The following GPAM variants were observed in gnomAD, a reference collection of about 807,000 sequenced individuals.
GPAM encodes glycerol-3-phosphate acyltransferase 1, mitochondrial.
Under a neutral mutation model 105.0 loss-of-function variants are expected in GPAM, and 56 were observed. The ratio of observed to expected loss-of-function variants is 0.53; its 90% CI spans 0.43 to 0.67. The LOEUF is 0.67. Ranked by LOEUF, GPAM falls within the 30% of genes least tolerant of loss-of-function variation. The pLI is 0.00. For missense variants in GPAM, 855 were observed against 989.8 expected, an observed-to-expected ratio of 0.86 and a Z score of 1.83; for synonymous variants, 368 against 354.4, an observed-to-expected ratio of 1.04 and a Z score of -0.43.
chr10:112,180,686 G>T, intron 3 of GPAM, 91 bp from the exon 4 acceptor site: 1 of 1,187,110 alleles, frequency 8.4e-7, no homozygotes, highest in Non-Finnish European at 1.2e-6. Flanking sequence ...TTGAACAGAA[G>T]AAAAACTTAT....
rs753645616 is a variant in GPAM, at chr10:112,151,664, C to T, written c.*1886G>A. On this transcript the variant is annotated 3_prime_UTR_variant, in exon 22 of 22. Transcript: ENST00000348367. Reference sequence around the variant, plus strand: ...CTCTTTGCAGCAATGACAGGCAGGGCAGAGTGTCGACTGGGAAGCGAGTCC... The same window carrying T: ...CTCTTTGCAGCAATGACAGGCAGGGTAGAGTGTCGACTGGGAAGCGAGTCC... 6.9e-5 allele frequency: 68 copies of T among 985,174 alleles called. No homozygotes were observed. The highest frequency in any genetic ancestry group is 5.2e-4 in the Middle Eastern group (1 of 1,936). The allele number at this position is 985,174 out of a possible 1,614,324, so 61.0% of individuals were successfully genotyped here.
intron 1 of GPAM, among the ~76,000 whole-genome samples, chr10:112,212,703 A>C (rs1421792819): frequency 6.6e-6 from 1 of 152,208 alleles, no homozygotes; most frequent in African/African-American, 2.4e-5. Context: ...CAGCTCTAGC[A>C]CTTACCAGCT....
In GPAM at chr10:112,163,692, T is replaced by C; in HGVS notation, c.1423+9A>G. On this transcript the variant is annotated intron_variant, in intron 14 of 21. Transcript: ENST00000348367. ...ATTGTAGAATTAAAGAGTCTGGTAT[T>C]CTACTTACTGAATAGAATATGCTCA... 8.4e-7 allele frequency: 1 copy of C among 1,189,350 alleles called. No homozygotes were observed. Among genetic ancestry groups the C allele is most frequent in the Non-Finnish European group, 1.3e-6 (1 of 792,060 alleles). 73.7% of individuals were successfully genotyped at this position (1,189,350 alleles called of 1,614,324 possible). A position where few individuals can be genotyped will look rare whatever the true frequency, so the allele number is the denominator to read the frequency against.
chr10:112,213,356 C>T (rs937698028), intron 1 of GPAM, among the ~76,000 whole-genome samples: 9 of 152,174 alleles, frequency 5.9e-5, no homozygotes, highest in African/African-American at 1.7e-4. Flanking sequence ...ACCTCAGTGA[C>T]CTCAGTGGCT....
At chr10:112,153,878 T>G (rs1846967817) in intron 21 of GPAM, 1 of 508,402 alleles carries the variant, frequency 2.0e-6, no homozygotes, top group South Asian at 2.2e-5. Context: ...TATTTTTTTT[T>G]TTTTGTTTTG....
chr10:112,150,401 CAAAGG>C lies in GPAM; in HGVS notation c.*3144_*3148del. On this transcript the variant is annotated 3_prime_UTR_variant, in exon 22 of 22. Transcript: ENST00000348367. The stretch of plus-strand genomic sequence containing the variant: ...GGATCATTGGGGCTGTTCTCTCTAT[CAAAGG>C]AAAGAGCTCCGATCACCTACATTAT... 1.0e-6 allele frequency: 1 copy of C among 985,830 alleles called. No homozygotes were observed. The highest frequency in any genetic ancestry group is 1.2e-6 in the Non-Finnish European group (1 of 829,906). 61.1% of individuals were successfully genotyped at this position (985,830 alleles called of 1,614,324 possible). A position where few individuals can be genotyped will look rare whatever the true frequency, so the allele number is the denominator to read the frequency against.
chr10:112,172,375 T>G (rs1434373954), intron 8 of GPAM, 57 bp from the exon 9 acceptor site: 3 of 1,402,654 alleles, frequency 2.1e-6, no homozygotes, highest in Non-Finnish European at 3.0e-6. Context: ...AATCACACTT[T>G]GCAACTGCAT....
chr10:112,171,357 T>C (rs746994739), intron 9 of GPAM, among the ~76,000 whole-genome samples: 44 of 152,310 alleles, frequency 2.9e-4, no homozygotes, highest in South Asian at 1.2e-3. Flanking sequence ...AAAACAATAC[T>C]ACAATTTAAA....
At chr10:112,197,492 A>AT (rs1289890325) in intron 1 of GPAM, among the ~76,000 whole-genome samples, 2 of 51,418 alleles carry the variant, frequency 3.9e-5, no homozygotes, top group Non-Finnish European at 8.8e-5. Context: ...TTTTTTATTT[A>AT]TTTTTTTATT....
chr10:112,154,901 G>A lies in GPAM; in HGVS notation c.2312-214C>T, dbSNP rs774088969. The stretch of plus-strand genomic sequence containing the variant: ...GCTTACACCTACTTTGTCCTATATT[G>A]AGGTAAATAAGAAAGGGAAGGGGAA... On this transcript the variant is annotated intron_variant, in intron 20 of 21. Coordinates refer to ENST00000348367, the MANE Select transcript of GPAM (RefSeq NM_001244949.2). The A allele has an allele frequency of 1.8e-3, 1,083 of 608,882 alleles. 3 individuals are homozygous for A. The highest frequency in any genetic ancestry group is 2.7e-3 in the Non-Finnish European group (913 of 341,028). The allele number at this position is 608,882 out of a possible 1,614,324, so 37.7% of individuals were successfully genotyped here. A position where few individuals can be genotyped will look rare whatever the true frequency, so the allele number is the denominator to read the frequency against.
intron 1 of GPAM, among the ~76,000 whole-genome samples, chr10:112,209,723 A>G (rs1455402623): frequency 1.3e-5 from 2 of 152,242 alleles, no homozygotes; most frequent in African/African-American, 4.8e-5. Context: ...ACTCAAAAAA[A>G]GAATGACACT....
At chr10:112,178,866 T>C (rs930169886) in intron 4 of GPAM, among the ~76,000 whole-genome samples, 2 of 152,172 alleles carry the variant, frequency 1.3e-5, no homozygotes, top group Non-Finnish European at 2.9e-5. Context: ...CTATTACCCC[T>C]AAATAACTGT....
In GPAM at chr10:112,157,244, A is replaced by C. The variant is rs748374213; in HGVS notation, c.2121+5T>G. Reference sequence around the variant, plus strand: ...AATATCCACCAGAATTCTTCACCCAAGTACCTTCAGGTAGCAATCTCGCTG... The same window carrying C: ...AATATCCACCAGAATTCTTCACCCACGTACCTTCAGGTAGCAATCTCGCTG... On this transcript the variant is annotated splice_donor_5th_base_variant and intron_variant, in intron 19 of 21. Transcript: ENST00000348367. 5.9e-5 allele frequency: 95 copies of C among 1,612,534 alleles called. No individual in the cohort carries two copies. Among genetic ancestry groups the C allele is most frequent in the Non-Finnish European group, 7.5e-5 (88 of 1,178,684 alleles).
upstream of GPAM, among the ~76,000 whole-genome samples, chr10:112,186,899 AT>A (rs1386986651): frequency 2.0e-5 from 3 of 152,220 alleles, no homozygotes; most frequent in Non-Finnish European, 2.9e-5. Context: ...CAAAAACAAT[AT>A]TTTGTGGGGT....
chr10:112,214,204 G>A (rs1256476188), intron 1 of GPAM: 2 of 152,158 alleles, frequency 1.3e-5, no homozygotes, highest in East Asian at 1.9e-4. Flanking sequence ...ACGGACAGAA[G>A]TACTTGGGAA....
At chr10:112,219,947 C>T (rs569582563), upstream of GPAM, among the ~76,000 whole-genome samples, 2 of 152,284 alleles carry the variant, frequency 1.3e-5, no homozygotes, top group East Asian at 3.9e-4. Flanking sequence ...ATGAAAGGAG[C>T]CTGAATTCTG....
At chr10:112,171,750 T>TA (rs1254142342) in intron 9 of GPAM, among the ~76,000 whole-genome samples, 3 of 152,346 alleles carry the variant, frequency 2.0e-5, no homozygotes, top group African/African-American at 7.2e-5. Context: ...GATATTGTAC[T>TA]TTTTAAGTGG....
intron 1 of GPAM, among the ~76,000 whole-genome samples, chr10:112,190,126 C>T (rs149154313): frequency 1.3e-5 from 2 of 152,190 alleles, no homozygotes; most frequent in African/African-American, 2.4e-5. Flanking sequence ...TATTTCTAAT[C>T]ATATTTGAGC....
At chr10:112,199,089 A>ATGTGTGTGTG (rs34627276) in intron 1 of GPAM, among the ~76,000 whole-genome samples, 1,537 of 134,940 alleles carry the variant, frequency 0.011, 17 homozygotes, top group East Asian at 0.031. Flanking sequence ...CGCCTGGCTA[A>ATGTGTGTGTG]TGTGTGTGTG....
Sources: allele counts gnomAD v4.1 joint callset (sites outside exome capture counted in the v4.1 genomes callset), GRCh38; gene constraint gnomAD v4.1.1; transcripts MANE v1.5; gene names NCBI Gene and HGNC (gene_info 2026-07-23, HGNC 2026-07-21).